The following TMTC2 variants were observed in gnomAD, a reference collection of about 807,000 sequenced individuals.
TMTC2 encodes protein O-mannosyl-transferase TMTC2.
Under a neutral mutation model 82.4 loss-of-function variants are expected in TMTC2, and 43 were observed. The observed-to-expected ratio is 0.52, with a 90% CI of 0.41 to 0.67. The LOEUF (loss-of-function observed/expected upper bound fraction) is 0.67, where lower values mean the gene tolerates loss of function less well. Ranked by LOEUF, TMTC2 falls within the 30% of genes least tolerant of loss-of-function variation. TMTC2 has a pLI of 0.00. For missense variants in TMTC2, 919 were observed against 1,012.4 expected (o/e 0.91, Z 1.25); for synonymous variants, 408 against 381.9 (o/e 1.07, Z -0.80).
intron 7 of TMTC2, among the ~76,000 whole-genome samples, chr12:82,981,299 A>G (rs1168704412): frequency 1.3e-5 from 2 of 151,924 alleles, no homozygotes; most frequent in African/African-American, 2.4e-5. Context: ...AATTTGAAAC[A>G]TAAGAGTCAG....
At chr12:82,930,947 G>A (rs1381647561) in intron 4 of TMTC2, among the ~76,000 whole-genome samples, 6 of 151,934 alleles carry the variant, frequency 3.9e-5, no homozygotes, top group African/African-American at 4.8e-5. Flanking sequence ...CTCACTCTGC[G>A]GCCTAGGCTA....
intron 2 of TMTC2, among the ~76,000 whole-genome samples, chr12:82,871,932 C>G (rs558099665): frequency 3.3e-5 from 5 of 151,524 alleles, no homozygotes; most frequent in Admixed American, 1.3e-4. Flanking sequence ...GATTTACATT[C>G]GTGTGGTAAC....
intron 11 of TMTC2, among the ~76,000 whole-genome samples, chr12:83,120,635 ATGATCTG>A (rs1884918395): frequency 6.6e-6 from 1 of 152,130 alleles, no homozygotes; most frequent in Non-Finnish European, 1.5e-5. Flanking sequence ...TGCCTAGGTG[ATGATCTG>A]TTTGCAATGT....
intron 2 of TMTC2, among the ~76,000 whole-genome samples, chr12:82,881,846 A>G (rs1206031365): frequency 6.6e-6 from 1 of 152,198 alleles, no homozygotes; most frequent in African/African-American, 2.4e-5. Context: ...TATTGTTTCT[A>G]AGCTTACTAT....
intron 1 of TMTC2, among the ~76,000 whole-genome samples, chr12:82,740,163 A>G (rs996389090): frequency 3.3e-5 from 5 of 152,200 alleles, no homozygotes; most frequent in Non-Finnish European, 5.9e-5. Context: ...AGAAATCCTT[A>G]TAATCCCTTT....
intron 3 of TMTC2, among the ~76,000 whole-genome samples, chr12:82,920,374 A>G (rs1270106658): frequency 6.6e-6 from 1 of 152,190 alleles, no homozygotes; most frequent in Non-Finnish European, 1.5e-5. Flanking sequence ...TTATTGTAGC[A>G]GATCACAGCA....
intron 10 of TMTC2, among the ~76,000 whole-genome samples, chr12:83,052,390 A>G (rs1172924168): frequency 6.6e-6 from 1 of 152,238 alleles, no homozygotes; most frequent in African/African-American, 2.4e-5. Context: ...CTACAAAGGG[A>G]AATCAGGATT....
rs1162129352 is a variant in TMTC2, at chr12:82,965,694, A to G, written c.1819A>G (p.Ser607Gly). 6.2e-7 allele frequency: 1 copy of G among 1,613,750 alleles called. No homozygotes were observed. Among genetic ancestry groups the G allele is most frequent in the Non-Finnish European group, 8.5e-7 (1 of 1,179,840 alleles). Residue 607 changes from serine to glycine, a missense_variant, in exon 6 of 12, where the codon AGT becomes GGT. Transcript: ENST00000321196. ...DPHAHKSSVT[S>G]CLYNLGKLYH... ...TCATGCACACAAGAGCTCTGTTACC[A>G]GTTGTTTGTACAACCTAGGAAAGCT... is the stretch of plus-strand genomic sequence containing the variant.
intron 11 of TMTC2, among the ~76,000 whole-genome samples, chr12:83,128,989 C>T (rs1014838771): frequency 6.6e-5 from 10 of 152,054 alleles, no homozygotes; most frequent in East Asian, 1.9e-4. Context: ...TTATCTAGGG[C>T]GATGATACTT....
chr12:83,059,459 C>T (rs1882661164), intron 10 of TMTC2, among the ~76,000 whole-genome samples: 1 of 151,710 alleles, frequency 6.6e-6, no homozygotes, highest in Non-Finnish European at 1.5e-5. Flanking sequence ...CTGCCATAAA[C>T]ACATGCTGAT....
chr12:82,861,282 A>G (rs1592582306), intron 2 of TMTC2, among the ~76,000 whole-genome samples: 1 of 152,332 alleles, frequency 6.6e-6, no homozygotes, highest in East Asian at 1.9e-4. Context: ...TTTTGATTGC[A>G]GTTTACCTTT....
At chr12:82,979,005 T>C in intron 7 of TMTC2, among the ~76,000 whole-genome samples, 1 of 151,856 alleles carries the variant, frequency 6.6e-6, no homozygotes, top group Non-Finnish European at 1.5e-5. Context: ...TAGCTACTTC[T>C]GCTTTTTTTT....
intron 1 of TMTC2, among the ~76,000 whole-genome samples, chr12:82,768,498 T>C (rs187318424): frequency 4.3e-4 from 66 of 152,314 alleles, no homozygotes; most frequent in African/African-American, 1.6e-3. Context: ...TGTCCGCACT[T>C]CCAGCTCTCA....
intron 2 of TMTC2, among the ~76,000 whole-genome samples, chr12:82,867,951 A>G (rs1871952190): frequency 6.6e-6 from 1 of 152,188 alleles, no homozygotes; most frequent in Non-Finnish European, 1.5e-5. Context: ...GGGAAAGGCC[A>G]TTGGACTGGT....
At position 82,687,602 on chromosome 12, in the gene TMTC2, G is replaced by A; in HGVS notation, c.16G>A (p.Val6Met). The A allele has an allele frequency of 1.2e-6, 2 of 1,600,714 alleles. No individual in the cohort carries two copies. Among genetic ancestry groups the A allele is most frequent in the South Asian group, 2.3e-5 (2 of 87,870 alleles). ...CGGTGGAGAGATGATTGCAGAGTTG[G>A]TGAGCAGCGCTCTGGGGCTCGCCTT... is the stretch of plus-strand genomic sequence containing the variant. Reference protein sequence around the residue: MIAELVSSALGLALYL... With the variant: MIAELMSSALGLALYL... Residue 6 changes from valine (V) to methionine (M), a missense_variant, in exon 1 of 12, where the codon GTG becomes ATG. Val to Met is a conservative substitution (Grantham distance 21). Transcript: ENST00000321196.
intron 1 of TMTC2, among the ~76,000 whole-genome samples, chr12:82,774,882 C>A (rs560105497): frequency 6.6e-6 from 1 of 152,052 alleles, no homozygotes; most frequent in Non-Finnish European, 1.5e-5. Context: ...ACGGCCACAA[C>A]CAGCTGACAG....
chr12:82,732,340 C>G (rs938615022), intron 1 of TMTC2, among the ~76,000 whole-genome samples: 3 of 151,582 alleles, frequency 2.0e-5, no homozygotes, highest in African/African-American at 7.3e-5. Context: ...CATTTTGGTT[C>G]TCATCATGTT....
intron 1 of TMTC2, among the ~76,000 whole-genome samples, chr12:82,780,416 A>AT (rs1877836411): frequency 6.6e-6 from 1 of 151,542 alleles, no homozygotes; most frequent in African/African-American, 2.4e-5. Context: ...CCATTGCTTC[A>AT]TTTTCACAAC....
At chr12:83,016,600 C>T (rs2137395769) in intron 8 of TMTC2, among the ~76,000 whole-genome samples, 1 of 152,284 alleles carries the variant, frequency 6.6e-6, no homozygotes, top group South Asian at 2.1e-4. Flanking sequence ...CACACAATGC[C>T]AGGCATATAG....
Sources: allele counts gnomAD v4.1 joint callset (sites outside exome capture counted in the v4.1 genomes callset), GRCh38; gene constraint gnomAD v4.1.1; transcripts MANE v1.5; gene names NCBI Gene and HGNC (gene_info 2026-07-23, HGNC 2026-07-21).